RSRC1: variants seen among roughly 807,000 people sequenced by gnomAD.
The protein encoded by RSRC1 is arginine and serine rich coiled-coil 1, also known as serine/Arginine-related protein 53.
RSRC1 carries 39 observed loss-of-function variants against 49.1 expected under a neutral mutation model. The observed-to-expected ratio is 0.79, with a 90% CI of 0.61 to 1.04. RSRC1 has a LOEUF of 1.04. RSRC1 is among the 50% of genes least tolerant of loss of function. The pLI, the probability that RSRC1 is intolerant of heterozygous loss-of-function variation, is 0.00. For synonymous variants in RSRC1, 143 were observed against 130.8 expected (o/e 1.09, Z -0.63); for missense variants, 388 against 402.4 (o/e 0.96, Z 0.31).
intron 4 of RSRC1, among the ~76,000 whole-genome samples, chr3:158,204,366 C>G (rs973686116): frequency 6.6e-6 from 1 of 152,088 alleles, no homozygotes; most frequent in African/African-American, 2.4e-5. Flanking sequence ...TATTATGTGA[C>G]TTTTGTTCAC....
chr3:158,489,412 C>G (rs1185670385), intron 7 of RSRC1, among the ~76,000 whole-genome samples: 1 of 152,208 alleles, frequency 6.6e-6, no homozygotes, highest in Non-Finnish European at 1.5e-5. Context: ...TCTTCAGCCT[C>G]AAGAGACTAT....
At chr3:158,251,518 A>G (rs1724207720) in intron 4 of RSRC1, among the ~76,000 whole-genome samples, 2 of 152,104 alleles carry the variant, frequency 1.3e-5, no homozygotes, top group Admixed American at 6.5e-5. Context: ...AGTGTTCATT[A>G]TAGAGATCTT....
At chr3:158,224,891 G>A (rs539852636) in intron 4 of RSRC1, among the ~76,000 whole-genome samples, 15 of 151,848 alleles carry the variant, frequency 9.9e-5, no homozygotes, top group African/African-American at 3.4e-4. Context: ...AACTGAAAAA[G>A]AACAAAGGAT....
chr3:158,270,394 G>A (rs753955058), intron 4 of RSRC1, among the ~76,000 whole-genome samples: 26 of 152,294 alleles, frequency 1.7e-4, no homozygotes, highest in Middle Eastern at 3.4e-3. Context: ...TCCTCACCCT[G>A]TATGGGGACT....
chr3:158,264,747 G>A (rs899271514), intron 4 of RSRC1, among the ~76,000 whole-genome samples: 2 of 152,186 alleles, frequency 1.3e-5, no homozygotes, highest in East Asian at 3.8e-4. Context: ...TTTGGTGGGT[G>A]TCGAGTAGTG....
chr3:158,300,118 TG>T (rs1411393887), intron 5 of RSRC1, among the ~76,000 whole-genome samples: 3 of 152,160 alleles, frequency 2.0e-5, no homozygotes, highest in Non-Finnish European at 4.4e-5. Flanking sequence ...ATACCTCAAA[TG>T]TATTTCAAAG....
chr3:158,439,356 C>T (rs1736245304), intron 6 of RSRC1, among the ~76,000 whole-genome samples: 1 of 152,136 alleles, frequency 6.6e-6, no homozygotes, highest in African/African-American at 2.4e-5. Context: ...TATAAAGACA[C>T]ATGCACACAT....
chr3:158,171,247 A>G (rs1000121414), intron 3 of RSRC1, among the ~76,000 whole-genome samples: 1 of 152,216 alleles, frequency 6.6e-6, no homozygotes, highest in Non-Finnish European at 1.5e-5. Flanking sequence ...TTGCTAAAAT[A>G]AACAACAAAA....
At chr3:158,496,376 A>G (rs1739321733) in intron 7 of RSRC1, among the ~76,000 whole-genome samples, 1 of 152,152 alleles carries the variant, frequency 6.6e-6, no homozygotes. Flanking sequence ...GATAGGGACT[A>G]AGGATTGCAG....
At chr3:158,346,314 A>G (rs2108224245) in intron 5 of RSRC1, among the ~76,000 whole-genome samples, 1 of 152,306 alleles carries the variant, frequency 6.6e-6, no homozygotes, top group East Asian at 1.9e-4. Context: ...CCTGCCTCTT[A>G]AAAAGAAAAA....
At position 158,298,042 on chromosome 3, in the gene RSRC1, A is replaced by C. The variant is rs369272492; in HGVS notation, c.498A>C (p.Glu166Asp). Residue 166 changes from glutamate (E) to aspartate (D), a missense_variant, in exon 5 of 10, where the codon GAA becomes GAC. Coordinates refer to ENST00000611884, the MANE Select transcript of RSRC1 (RefSeq NM_001271838.2). ...DKELHNIKRG[E>D]SGNIKAGLEH... is the part of the protein sequence containing the mutation. ...AACTTTTACTCTTCTATTTTAGGGA[A>C]TCTGGAAACATCAAAGCTGGATTAG... is the stretch of plus-strand genomic sequence containing the variant. 3.1e-6 allele frequency: 5 copies of C among 1,602,330 alleles called. No individual in the cohort carries two copies. The highest frequency in any genetic ancestry group is 1.3e-5 in the African/African-American group (1 of 74,622).
intron 7 of RSRC1, among the ~76,000 whole-genome samples, chr3:158,524,453 T>C (rs917127000): frequency 7.2e-5 from 11 of 152,084 alleles, no homozygotes; most frequent in Non-Finnish European, 1.6e-4. Flanking sequence ...ATCAATGATT[T>C]CACCATTCTT....
intron 1 of RSRC1, among the ~76,000 whole-genome samples, chr3:158,114,160 G>A (rs1714628561): frequency 6.6e-6 from 1 of 152,106 alleles, no homozygotes; most frequent in South Asian, 2.1e-4. Context: ...TCTATCTTGA[G>A]TTAATTTTTT....
chr3:158,247,487 T>A (rs827177), intron 4 of RSRC1, among the ~76,000 whole-genome samples: 68,287 of 151,880 alleles, frequency 0.45, 15,695 homozygotes, highest in East Asian at 0.64. Context: ...GATTTCAGGG[T>A]TTTGCACTGA....
intron 6 of RSRC1, among the ~76,000 whole-genome samples, chr3:158,375,788 A>AT (rs1465887520): frequency 6.6e-6 from 1 of 152,166 alleles, no homozygotes; most frequent in Non-Finnish European, 1.5e-5. Flanking sequence ...TTGGAAAATA[A>AT]TTTTATGGCA....
intron 3 of RSRC1, among the ~76,000 whole-genome samples, chr3:158,196,532 A>T (rs1354460085): frequency 1.3e-5 from 2 of 152,046 alleles, no homozygotes; most frequent in Non-Finnish European, 2.9e-5. Context: ...AACTTCTAAC[A>T]CTATGTTGAA....
chr3:158,287,090 T>C (rs987100966), intron 4 of RSRC1, among the ~76,000 whole-genome samples: 1 of 152,226 alleles, frequency 6.6e-6, no homozygotes, highest in Non-Finnish European at 1.5e-5. Context: ...CCTCCCAAAG[T>C]GCTGGGATTA....
intron 3 of RSRC1, among the ~76,000 whole-genome samples, chr3:158,135,670 A>G (rs2108187307): frequency 6.6e-6 from 1 of 152,226 alleles, no homozygotes; most frequent in African/African-American, 2.4e-5. Context: ...GCAAAATGCA[A>G]ATCTGATAGG....
intron 3 of RSRC1, among the ~76,000 whole-genome samples, chr3:158,186,314 A>G (rs1719929018): frequency 6.6e-6 from 1 of 151,996 alleles, no homozygotes. Flanking sequence ...TGTGAAACTA[A>G]TTATGCTTAT....
Sources: allele counts gnomAD v4.1 joint callset (sites outside exome capture counted in the v4.1 genomes callset), GRCh38; gene constraint gnomAD v4.1.1; transcripts MANE v1.5; gene names NCBI Gene and HGNC (gene_info 2026-07-23, HGNC 2026-07-21).